The following DACH1 variants were observed in gnomAD, a reference collection of about 807,000 sequenced individuals.
DACH1 encodes the protein dachshund family transcription factor 1, also known as dachshund homolog 1.
A neutral mutation model predicts 54.2 loss-of-function variants in DACH1; 12 were observed. That is an observed-to-expected ratio of 0.22 (90% CI 0.14 to 0.36). DACH1 has a LOEUF of 0.36. Ranked by LOEUF, DACH1 falls within the 10% of genes least tolerant of loss-of-function variation. The pLI, the probability that DACH1 is intolerant of heterozygous loss-of-function variation, is 1.00. For missense variants in DACH1, 805 were observed against 929.8 expected, an observed-to-expected ratio of 0.87 and a Z score of 1.75; for synonymous variants, 386 against 366.2, an observed-to-expected ratio of 1.05 and a Z score of -0.62.
chr13:71,698,121 G>A (rs1302485680), intron 1 of DACH1, among the ~76,000 whole-genome samples: 1 of 152,126 alleles, frequency 6.6e-6, no homozygotes, highest in Non-Finnish European at 1.5e-5. Context: ...AAACCCGGGA[G>A]GTGCAAGTTA....
At chr13:71,674,935 T>C in intron 2 of DACH1, 2 of 634,228 alleles carry the variant, frequency 3.2e-6, no homozygotes, top group Non-Finnish European at 5.7e-6. Flanking sequence ...TATATAAATA[T>C]ATGAAAACAC....
chr13:71,858,868 ACTCT>A (rs1220863136), intron 1 of DACH1, among the ~76,000 whole-genome samples: 5 of 143,368 alleles, frequency 3.5e-5, no homozygotes, highest in African/African-American at 1.3e-4. Flanking sequence ...TCAGTTAAGC[ACTCT>A]CTCTCTCTGC....
At chr13:71,818,838 T>C (rs1888070353) in intron 1 of DACH1, among the ~76,000 whole-genome samples, 1 of 152,210 alleles carries the variant, frequency 6.6e-6, no homozygotes, top group African/African-American at 2.4e-5. Context: ...TCTATCAATA[T>C]ATAGCAAGTT....
chr13:71,693,296 CTT>C lies in DACH1; in HGVS notation c.849-11388_849-11387del, dbSNP rs869289138. ...AATACCCTCTTATCCATTTGTTTTG[CTT>C]TTTTTTTTTTTTTTTTTTTTTGAGA... is the stretch of plus-strand genomic sequence containing the variant. On this transcript the variant is annotated intron_variant, in intron 1 of 10. Transcript: ENST00000613252. Among the ~76,000 whole-genome samples, 12 of 90,948 alleles carry C rather than the reference CTT, an allele frequency of 1.3e-4. No individual in the cohort carries two copies. In the South Asian group the frequency reaches 3.8e-3, roughly 29 times the overall value. 59.7% of individuals were successfully genotyped at this position (90,948 alleles called of 152,430 possible).
chr13:71,530,061 C>A (rs1882310376), intron 6 of DACH1, among the ~76,000 whole-genome samples: 1 of 151,978 alleles, frequency 6.6e-6, no homozygotes, highest in Non-Finnish European at 1.5e-5. Flanking sequence ...ACCTTTCATG[C>A]CATATGAAAT....
intron 10 of DACH1, among the ~76,000 whole-genome samples, chr13:71,465,537 A>C (rs890298664): frequency 2.3e-4 from 35 of 152,122 alleles, no homozygotes; most frequent in African/African-American, 7.2e-4. Flanking sequence ...GTTGTTATCT[A>C]TATTACTAAA....
chr13:71,744,723 T>C (rs962324458), intron 1 of DACH1, among the ~76,000 whole-genome samples: 2 of 152,228 alleles, frequency 1.3e-5, no homozygotes, highest in Non-Finnish European at 2.9e-5. Flanking sequence ...CTATGAAAAC[T>C]ATAAATCAAA....
At chr13:71,485,354 T>G (rs1878396597) in intron 7 of DACH1, among the ~76,000 whole-genome samples, 1 of 151,420 alleles carries the variant, frequency 6.6e-6, no homozygotes, top group African/African-American at 2.4e-5. Flanking sequence ...ACTCTAGATA[T>G]CTGTATCCAT....
In DACH1 at chr13:71,800,029, C is replaced by T. The variant is rs533475259; in HGVS notation, c.848+65893G>A. ...AACTCTTTGGTATTTCCAGAAATTT[C>T]TCTCTGACGAGATTCATGAGTCTGG... On this transcript the variant is annotated intron_variant, in intron 1 of 10. Coordinates refer to ENST00000613252, the MANE Select transcript of DACH1 (RefSeq NM_080759.6). Among the ~76,000 whole-genome samples the T allele has an allele frequency of 2.0e-5, 3 of 152,114 alleles. No homozygotes were observed. In the South Asian group the frequency reaches 6.2e-4, roughly 32 times the overall value.
At chr13:71,835,294 CAG>C (rs775389641) in intron 1 of DACH1, among the ~76,000 whole-genome samples, 9 of 151,876 alleles carry the variant, frequency 5.9e-5, no homozygotes, top group Non-Finnish European at 1.2e-4. Flanking sequence ...ATACAAGAAA[CAG>C]AGCAAAAGGA....
At chr13:71,692,010 T>TACACAC (rs34800453) in intron 1 of DACH1, among the ~76,000 whole-genome samples, 10,655 of 139,992 alleles carry the variant, frequency 0.076, 502 homozygotes, top group Middle Eastern at 0.13. Context: ...AGCCCCCCAT[T>TACACAC]ACACACACAC....
intron 6 of DACH1, among the ~76,000 whole-genome samples, chr13:71,510,406 A>G (rs1028369550): frequency 6.6e-6 from 1 of 151,952 alleles, no homozygotes; most frequent in Admixed American, 6.6e-5. Flanking sequence ...CCTAAAAAAA[A>G]TGTTCAAAAA....
chr13:71,590,457 G>A lies in DACH1; in HGVS notation c.1127-17445C>T, dbSNP rs541611709. Among the ~76,000 whole-genome samples, 27 of 152,240 alleles carry A rather than the reference G, an allele frequency of 1.8e-4. 1 individual carries two copies. The South Asian group carries it at 5.4e-3, about 30-fold the overall frequency. ...CAATTCTGAAGAATTAAAATTTGATGGATAAATACACAATCTGGCCTCACT... is the reference window on the plus strand; with the variant it reads ...CAATTCTGAAGAATTAAAATTTGATAGATAAATACACAATCTGGCCTCACT... On this transcript the variant is annotated intron_variant, in intron 3 of 10. Transcript: ENST00000613252.
At chr13:71,450,992 G>A (rs942685467) in intron 10 of DACH1, among the ~76,000 whole-genome samples, 2 of 151,988 alleles carry the variant, frequency 1.3e-5, no homozygotes, top group Non-Finnish European at 2.9e-5. Flanking sequence ...AGAACTGAAT[G>A]TTCTTAAAAC....
At chr13:71,461,769 A>G (rs1291167409) in intron 10 of DACH1, among the ~76,000 whole-genome samples, 1 of 152,048 alleles carries the variant, frequency 6.6e-6, no homozygotes, top group Non-Finnish European at 1.5e-5. Flanking sequence ...AAGGACAGTC[A>G]AAAGACAATG....
Position 71,440,456 on chromosome 13 carries a change from T to TCTGGTATG in DACH1, c.*191_*198dup. 7 of 505,532 alleles carry TCTGGTATG rather than the reference T, an allele frequency of 1.4e-5. No individual in the cohort carries two copies. Among genetic ancestry groups the TCTGGTATG allele is most frequent in the Non-Finnish European group, 2.1e-5 (6 of 288,534 alleles). The allele number at this position is 505,532 out of a possible 1,614,324, so 31.3% of individuals were successfully genotyped here. ...GTACATTTACAAACATTCTCAGGTC[T>TCTGGTATG]CTGGTATGAACCACAGGTGAAAATC... On this transcript the variant is annotated 3_prime_UTR_variant, in exon 11 of 11. Transcript: ENST00000613252.
At chr13:71,607,637 G>A (rs1874971523) in intron 3 of DACH1, among the ~76,000 whole-genome samples, 1 of 151,942 alleles carries the variant, frequency 6.6e-6, no homozygotes, top group Non-Finnish European at 1.5e-5. Context: ...TAGTCTTTGT[G>A]TTTTAATACC....
At chr13:71,519,291 A>G (rs1008583396) in intron 6 of DACH1, among the ~76,000 whole-genome samples, 2 of 151,868 alleles carry the variant, frequency 1.3e-5, no homozygotes, top group Non-Finnish European at 2.9e-5. Context: ...CTATATTTAT[A>G]ATGTTATTCT....
chr13:71,623,548 T>C (rs372947977), intron 3 of DACH1, among the ~76,000 whole-genome samples: 58 of 151,904 alleles, frequency 3.8e-4, no homozygotes, highest in African/African-American at 1.3e-3. Flanking sequence ...AATATGTAAA[T>C]AGATGTTATA....
Sources: gnomAD v4.1 joint callset for allele counts (sites outside exome capture counted in the v4.1 genomes callset) on GRCh38, gnomAD v4.1.1 for gene constraint, MANE v1.5 for transcripts, NCBI Gene and HGNC (gene_info 2026-07-23, HGNC 2026-07-21) for gene names.